The following BCKDHB variants were observed in gnomAD, a reference collection of about 807,000 sequenced individuals.
BCKDHB encodes 2-oxoisovalerate dehydrogenase subunit beta, mitochondrial.
In BCKDHB, 41 loss-of-function variants were observed where a neutral mutation model predicts 48.5. The observed-to-expected ratio is 0.85, with a 90% CI of 0.66 to 1.10. BCKDHB has a LOEUF of 1.10. BCKDHB is among the 50% of genes least tolerant of loss of function. The pLI, the probability that BCKDHB is intolerant of heterozygous loss-of-function variation, is 0.00. For missense variants in BCKDHB, 496 were observed against 494.2 expected, an observed-to-expected ratio of 1.00 and a Z score of -0.03; for synonymous variants, 201 against 174.8, an observed-to-expected ratio of 1.15 and a Z score of -1.18.
Position 80,165,989 on chromosome 6 carries a change from A to G in BCKDHB, c.344-1689A>G, listed in dbSNP as rs958787103. On this transcript the variant is annotated intron_variant, in intron 3 of 9. Transcript: ENST00000320393. ...CACAGACTATTTTCTGACACCTCAG[A>G]TCAACCAGACTGAGTCTATTTGTTT... 3.3e-5 allele frequency among the ~76,000 whole-genome samples: 5 copies of G among 152,284 alleles called. No individual in the cohort carries two copies. In the South Asian group the frequency reaches 8.3e-4, roughly 25 times the overall value.
At chr6:80,318,678 C>CT (rs1214315382) in intron 9 of BCKDHB, among the ~76,000 whole-genome samples, 1 of 140,134 alleles carries the variant, frequency 7.1e-6, no homozygotes, top group Non-Finnish European at 1.5e-5. Context: ...GAGTGAGACT[C>CT]TCTCTCTTAA....
intron 6 of BCKDHB, among the ~76,000 whole-genome samples, chr6:80,173,289 A>T (rs376078401): frequency 6.6e-6 from 1 of 152,058 alleles, no homozygotes; most frequent in African/African-American, 2.4e-5. Flanking sequence ...CCCATGCTTG[A>T]TCATGTATCA....
the BCKDHB span, among the ~76,000 whole-genome samples, chr6:80,399,946 GATCCTTGGCAAGCCTGACAAAAACA>G: frequency 6.6e-6 from 1 of 152,084 alleles, no homozygotes; most frequent in Non-Finnish European, 1.5e-5. Context: ...ACAACTATTT[GATCCTTGGCAAGCCTGACAAAAACA>G]AGCAATGGGA....
intron 3 of BCKDHB, among the ~76,000 whole-genome samples, chr6:80,159,948 C>A (rs1772231810): frequency 6.6e-6 from 1 of 152,216 alleles, no homozygotes. Context: ...AGTTTTAAAT[C>A]TGCTTTTACA....
In BCKDHB at chr6:80,203,156, T is replaced by A. The variant is rs370331553; in HGVS notation, c.895T>A (p.Cys299Ser). ...SMAKEKLGVS[C>S]EVIDLRTIIP... Reference sequence around the variant, plus strand: ...GGCAAAAGAAAAGCTTGGAGTGTCTTGTGAAGTCATTGATCTGAGGACTAT... The same window carrying A: ...GGCAAAAGAAAAGCTTGGAGTGTCTAGTGAAGTCATTGATCTGAGGACTAT... Residue 299 changes from cysteine to serine, a missense_variant, in exon 8 of 10, where the codon TGT (cysteine) becomes AGT (serine). Coordinates refer to ENST00000320393, the MANE Select transcript of BCKDHB (RefSeq NM_183050.4). 1 of 1,612,912 alleles carries A rather than the reference T, an allele frequency of 6.2e-7. No homozygotes were observed. Among genetic ancestry groups the A allele is most frequent in the African/African-American group, 1.3e-5 (1 of 74,846 alleles).
chr6:80,195,909 A>G (rs1562126755), intron 6 of BCKDHB, among the ~76,000 whole-genome samples: 1 of 152,276 alleles, frequency 6.6e-6, no homozygotes, highest in East Asian at 1.9e-4. Flanking sequence ...TATTTTAGGA[A>G]TATACTTGAC....
the BCKDHB span, among the ~76,000 whole-genome samples, chr6:80,439,558 C>G: frequency 6.6e-6 from 1 of 152,116 alleles, no homozygotes; most frequent in African/African-American, 2.4e-5. Context: ...ACGAAGTTCC[C>G]AAGATACCTC....
the BCKDHB span, chr6:80,374,297 C>T: frequency 1.1e-6 from 1 of 945,800 alleles, no homozygotes; most frequent in East Asian, 2.4e-5. Context: ...GCATGTGCAG[C>T]AAAAATTCAG....
the BCKDHB span, among the ~76,000 whole-genome samples, chr6:80,422,447 G>A: frequency 6.6e-6 from 1 of 152,314 alleles, no homozygotes; most frequent in East Asian, 1.9e-4. Flanking sequence ...CCCCAATGGG[G>A]CACTGCCTAG....
At chr6:80,291,701 A>C (rs1420698970) in intron 9 of BCKDHB, among the ~76,000 whole-genome samples, 1 of 152,138 alleles carries the variant, frequency 6.6e-6, no homozygotes, top group Non-Finnish European at 1.5e-5. Flanking sequence ...GTTGGTTCAC[A>C]GGAGTAAGCA....
chr6:80,287,082 G>A (rs902965018), intron 9 of BCKDHB, among the ~76,000 whole-genome samples: 24 of 152,146 alleles, frequency 1.6e-4, no homozygotes, highest in African/African-American at 5.8e-4. Flanking sequence ...AGACCCACTT[G>A]TTGTTGATCC....
chr6:80,126,893 A>G (rs1270595573), intron 1 of BCKDHB, among the ~76,000 whole-genome samples: 3 of 152,196 alleles, frequency 2.0e-5, no homozygotes, highest in African/African-American at 7.2e-5. Flanking sequence ...ATATTTATTC[A>G]GCACTCACTG....
At chr6:80,166,375 G>A (rs1228286620) in intron 3 of BCKDHB, among the ~76,000 whole-genome samples, 1 of 152,038 alleles carries the variant, frequency 6.6e-6, no homozygotes, top group Non-Finnish European at 1.5e-5. Flanking sequence ...AAAATTTCTA[G>A]CCAGGCCCGG....
chr6:80,111,445 C>G (rs964916418), intron 1 of BCKDHB, among the ~76,000 whole-genome samples: 1 of 152,196 alleles, frequency 6.6e-6, no homozygotes, highest in African/African-American at 2.4e-5. Flanking sequence ...AACTGATGCT[C>G]TCGCATTTTT....
intron 9 of BCKDHB, among the ~76,000 whole-genome samples, chr6:80,328,394 T>G (rs931745547): frequency 6.6e-6 from 1 of 152,220 alleles, no homozygotes; most frequent in African/African-American, 2.4e-5. Flanking sequence ...GATAACAGAT[T>G]CAGGACAAGG....
intron 9 of BCKDHB, among the ~76,000 whole-genome samples, chr6:80,300,164 A>G (rs561405181): frequency 2.0e-5 from 3 of 151,360 alleles, no homozygotes; most frequent in Non-Finnish European, 2.9e-5. Flanking sequence ...TGATCCTCCC[A>G]CCTCAGCCTC....
At chr6:80,292,716 T>G (rs1019081593) in intron 9 of BCKDHB, among the ~76,000 whole-genome samples, 1 of 151,962 alleles carries the variant, frequency 6.6e-6, no homozygotes, top group African/African-American at 2.4e-5. Flanking sequence ...CAGTCCAAAG[T>G]CTCATCCAAG....
intron 9 of BCKDHB, among the ~76,000 whole-genome samples, chr6:80,291,973 A>T (rs1766939238): frequency 6.6e-6 from 1 of 152,208 alleles, no homozygotes; most frequent in Non-Finnish European, 1.5e-5. Flanking sequence ...ATCTTAGATA[A>T]GACTTCTTAA....
At chr6:80,177,225 CAAAAA>C (rs575991853) in intron 6 of BCKDHB, among the ~76,000 whole-genome samples, 2 of 43,160 alleles carry the variant, frequency 4.6e-5, no homozygotes, top group East Asian at 6.2e-4. Flanking sequence ...GACCTTGTCT[CAAAAA>C]AAAAAAAAAA....
Sources: allele counts gnomAD v4.1 joint callset (sites outside exome capture counted in the v4.1 genomes callset), GRCh38; gene constraint gnomAD v4.1.1; transcripts MANE v1.5; gene names NCBI Gene and HGNC (gene_info 2026-07-23, HGNC 2026-07-21).